Variants in UBXN8 observed in about 807,000 individuals in gnomAD.
UBXN8 encodes the protein UBX domain protein 8.
UBXN8 carries 27 observed loss-of-function variants against 32.1 expected under a neutral mutation model. That is an observed-to-expected ratio of 0.84 (90% CI 0.62 to 1.16). UBXN8 has a LOEUF of 1.16. UBXN8 is among the 50% of genes most tolerant of loss of function. UBXN8 has a pLI of 0.00. For synonymous variants in UBXN8, 109 were observed against 111.8 expected, an observed-to-expected ratio of 0.98 and a Z score of 0.16; for missense variants, 306 against 311.4, an observed-to-expected ratio of 0.98 and a Z score of 0.13.
chr8:30,765,636 C>G (rs1805980790), intron 7 of UBXN8, among the ~76,000 whole-genome samples: 1 of 151,402 alleles, frequency 6.6e-6, no homozygotes, highest in African/African-American at 2.4e-5. Flanking sequence ...TCACTGCAAC[C>G]TCCGCCTCCT....
intron 1 of UBXN8, among the ~76,000 whole-genome samples, chr8:30,738,942 G>A (rs568796354): frequency 1.3e-5 from 2 of 150,766 alleles, no homozygotes; most frequent in South Asian, 2.2e-4. Context: ...GGCAACAAGA[G>A]TGAAACTCCA....
At chr8:30,752,913 G>A (rs539278546) in intron 2 of UBXN8, 122 bp from the exon 3 acceptor site, 2 of 1,144,244 alleles carry the variant, frequency 1.7e-6, no homozygotes, top group Non-Finnish European at 2.3e-6. Flanking sequence ...AATGTGATGT[G>A]TTAGGGTCTC....
At position 30,747,255 on chromosome 8, in the gene UBXN8, T is replaced by C. The variant is rs1433253685; in HGVS notation, c.88+2978T>C. 1.4e-5 allele frequency among the ~76,000 whole-genome samples: 2 copies of C among 141,386 alleles called. 1 individual carries two copies. Among genetic ancestry groups the C allele is most frequent in the African/African-American group, 5.4e-5 (2 of 36,750 alleles). The allele number at this position is 141,386 out of a possible 152,430, so 92.8% of individuals were successfully genotyped here. A position where few individuals can be genotyped will look rare whatever the true frequency, so the allele number is the denominator to read the frequency against. On this transcript the variant is annotated intron_variant, in intron 1 of 7. Coordinates refer to ENST00000265616, the MANE Select transcript of UBXN8 (RefSeq NM_005671.4). Reference sequence around the variant, plus strand: ...TTCTCATGTGATGTTTGCAAATTGCTTGTTAGAACGAACAGCAGTAGTATG... The same window carrying C: ...TTCTCATGTGATGTTTGCAAATTGCCTGTTAGAACGAACAGCAGTAGTATG...
At chr8:30,760,445 T>TATATATA (rs59139295) in intron 5 of UBXN8, among the ~76,000 whole-genome samples, 35 of 31,194 alleles carry the variant, frequency 1.1e-3, no homozygotes, top group East Asian at 3.3e-3. Flanking sequence ...ATATATATAT[T>TATATATA]TTTTTTTTTT....
rs1804996094 is a variant in UBXN8 at position 30,732,782 on chromosome 8, CG to C, written c.100del (p.Val34PhefsTer9). On this transcript the variant is annotated frameshift_variant, in exon 1 of 2. Coordinates refer to the UBXN8 transcript ENST00000522968. LOFTEE classifies it high-confidence loss of function. ...TGGCCTACCTCTCTAAACAACTAGACGGGGTTTTTAAAGGATGGCCCCCATG... is the reference window on the plus strand; with the variant it reads ...TGGCCTACCTCTCTAAACAACTAGACGGGTTTTTAAAGGATGGCCCCCATG... 2 of 152,282 alleles carry C rather than the reference CG, an allele frequency of 1.3e-5. No individual in the cohort carries two copies. Among genetic ancestry groups the C allele is most frequent in the African/African-American group, 4.8e-5 (2 of 41,460 alleles). The allele number at this position is 152,282 out of a possible 1,614,324, so 9.4% of individuals were successfully genotyped here.
intron 5 of UBXN8, among the ~76,000 whole-genome samples, chr8:30,760,062 TTC>T (rs1805788471): frequency 1.2e-5 from 1 of 84,926 alleles, no homozygotes; most frequent in Non-Finnish European, 2.7e-5. Context: ...GAATTTTCTT[TTC>T]TTTTTTTTTT....
chr8:30,756,632 C>A, intron 4 of UBXN8, 133 bp from the exon 5 acceptor site: 2 of 1,329,900 alleles, frequency 1.5e-6, no homozygotes, highest in Non-Finnish European at 2.0e-6. Flanking sequence ...TTTTTTGGGT[C>A]TCATAATGGC....
At chr8:30,758,455 T>C (rs1805721852) in intron 5 of UBXN8, among the ~76,000 whole-genome samples, 2 of 152,232 alleles carry the variant, frequency 1.3e-5, no homozygotes, top group South Asian at 2.1e-4. Flanking sequence ...ACTAAGTTAA[T>C]TCCAATTGGA....
intron 5 of UBXN8, among the ~76,000 whole-genome samples, chr8:30,758,219 G>A (rs1033690807): frequency 6.6e-6 from 1 of 152,126 alleles, no homozygotes; most frequent in African/African-American, 2.4e-5. Flanking sequence ...TCTTTTTAAG[G>A]AATTTGATTA....
rs1452376486 is a variant in UBXN8 at position 30,766,909 on chromosome 8, T to C, written c.*515T>C. ...ACTTAACTGATGTTTGCGATTTATA[T>C]AATTTTGCCTTGTATTAAATGTTAC... On this transcript the variant is annotated 3_prime_UTR_variant, in exon 8 of 8. Coordinates refer to ENST00000265616, the MANE Select transcript of UBXN8 (RefSeq NM_005671.4). 6.6e-6 allele frequency: 1 copy of C among 152,244 alleles called. No homozygotes were observed. Among genetic ancestry groups the C allele is most frequent in the African/African-American group, 2.4e-5 (1 of 41,476 alleles). 9.4% of individuals were successfully genotyped at this position (152,244 alleles called of 1,614,324 possible). A position where few individuals can be genotyped will look rare whatever the true frequency, so the allele number is the denominator to read the frequency against.
At position 30,753,014 on chromosome 8, in the gene UBXN8, T is replaced by C. The variant is rs143152858; in HGVS notation, c.212-21T>C. ...AAGATACTTGGGAAGTAAAAAGCAC[T>C]TTTATGTTTTGATGTCTTAGAAGAA... On this transcript the variant is annotated intron_variant, in intron 2 of 7. Transcript: ENST00000265616. 8.2e-4 allele frequency: 1,233 copies of C among 1,499,728 alleles called. 7 individuals are homozygous for C. In the African/African-American group the frequency reaches 0.014, roughly 17 times the overall value. The allele number at this position is 1,499,728 out of a possible 1,614,324, so 92.9% of individuals were successfully genotyped here.
intron 1 of UBXN8, among the ~76,000 whole-genome samples, chr8:30,739,030 G>A (rs77090449): frequency 6.6e-6 from 1 of 150,666 alleles, no homozygotes; most frequent in Non-Finnish European, 1.5e-5. Context: ...CAAAATTAAA[G>A]AGATGGATTT....
At chr8:30,763,859 C>T (rs1222008602) in intron 7 of UBXN8, among the ~76,000 whole-genome samples, 2 of 152,034 alleles carry the variant, frequency 1.3e-5, no homozygotes, top group Non-Finnish European at 2.9e-5. Flanking sequence ...GGCATGGTGG[C>T]GGATGCCTGT....
intron 1 of UBXN8, among the ~76,000 whole-genome samples, chr8:30,745,901 A>G (rs1805346862): frequency 6.6e-6 from 1 of 151,970 alleles, no homozygotes; most frequent in Non-Finnish European, 1.5e-5. Flanking sequence ...GGGCCACACC[A>G]CCATGCCTTG....
In UBXN8 at chr8:30,737,187, G is replaced by A. The variant is rs530091529; in HGVS notation, c.622+3879G>A. On this transcript the variant is annotated intron_variant, in intron 1 of 1. Coordinates refer to the UBXN8 transcript ENST00000522968. ...ATTCCATCAACTCTGTCATTTCTGG[G>A]TCTGTTTCTGTTGATTGATTTTTTT... Among the ~76,000 whole-genome samples, 421 of 150,230 alleles carry A rather than the reference G, an allele frequency of 2.8e-3. 1 individual carries two copies. The highest frequency in any genetic ancestry group is 4.7e-3 in the Non-Finnish European group (320 of 67,864).
intron 6 of UBXN8, 150 bp from the exon 7 acceptor site, chr8:30,763,123 G>A: frequency 1.4e-6 from 1 of 732,956 alleles, no homozygotes. Flanking sequence ...TGGGATTACA[G>A]GCGTGAGCCA....
upstream of UBXN8, among the ~76,000 whole-genome samples, chr8:30,731,594 G>T (rs1289504639): frequency 6.6e-6 from 1 of 152,102 alleles, no homozygotes; most frequent in Admixed American, 6.5e-5. Flanking sequence ...GGTCCCCCGA[G>T]AGGAGGAATG....
chr8:30,729,672 A>C (rs1804904532), upstream of UBXN8, among the ~76,000 whole-genome samples: 1 of 152,192 alleles, frequency 6.6e-6, no homozygotes, highest in Non-Finnish European at 1.5e-5. Context: ...AACTATGTTG[A>C]AAAATTTTAA....
In UBXN8 at chr8:30,756,778, C is replaced by T. The variant is rs1316580865; in HGVS notation, c.419C>T (p.Thr140Ile). The stretch of plus-strand genomic sequence containing the variant: ...GTGTTTGACCAGGGTGATGAAGGTA[C>T]AAGTCAGACATCTTTTGAAACATCA... ...SGHKLGGDEG[T>I]SQTSFETSNR... The change falls in exon 5 of 8, where the codon ACA becomes ATA. Residue 140 changes from threonine to isoleucine, a missense_variant. Physicochemically the swap from Thr to Ile is moderately conservative, Grantham distance 89. Transcript: ENST00000265616. 6.2e-7 allele frequency: 1 copy of T among 1,613,990 alleles called. No individual in the cohort carries two copies. Among genetic ancestry groups the T allele is most frequent in the Admixed American group, 1.7e-5 (1 of 60,010 alleles).
Sources: allele counts gnomAD v4.1 joint callset (sites outside exome capture counted in the v4.1 genomes callset), GRCh38; gene constraint gnomAD v4.1.1; transcripts MANE v1.5; gene names NCBI Gene and HGNC (gene_info 2026-07-23, HGNC 2026-07-21).